Variants in SIGLECL1 observed in about 807,000 individuals in gnomAD.
The protein encoded by SIGLECL1 is SIGLEC family-like protein 1.
In SIGLECL1, 16 loss-of-function variants were observed where a neutral mutation model predicts 19.1. The observed-to-expected ratio is 0.84, with a 90% CI of 0.57 to 1.27. The LOEUF is 1.27. SIGLECL1 is among the 50% of genes most tolerant of loss of function. The probability of loss-of-function intolerance (pLI) is 0.00; values close to 1 mark genes in which losing one functional copy is unlikely to be tolerated. For missense variants in SIGLECL1, 210 were observed against 239.4 expected (o/e 0.88, Z 0.81); for synonymous variants, 89 against 90.4 (o/e 0.98, Z 0.09).
At chr19:51,263,074 T>C (rs1983353264) in intron 1 of SIGLECL1, among the ~76,000 whole-genome samples, 1 of 152,156 alleles carries the variant, frequency 6.6e-6, no homozygotes, top group Non-Finnish European at 1.5e-5. Flanking sequence ...AATTTTTGTA[T>C]TTTTTGTAGA....
chr19:51,263,143 T>G (rs10853828), intron 1 of SIGLECL1, among the ~76,000 whole-genome samples: 83,920 of 152,076 alleles, frequency 0.55, 23,504 homozygotes, highest in Admixed American at 0.63. Context: ...AGTCATGATA[T>G]CCAGTAGGAA....
upstream of SIGLECL1, among the ~76,000 whole-genome samples, chr19:51,250,546 G>C (rs1437801284): frequency 1.3e-5 from 2 of 152,220 alleles, no homozygotes; most frequent in African/African-American, 4.8e-5. Flanking sequence ...ATTCAAGACG[G>C]AGTTGCTCTG....
In SIGLECL1 at chr19:51,267,375, T is replaced by A; in HGVS notation, c.413T>A (p.Val138Glu). The A allele has an allele frequency of 6.2e-7, 1 of 1,611,014 alleles. No individual in the cohort carries two copies. The highest frequency in any genetic ancestry group is 8.5e-7 in the Non-Finnish European group (1 of 1,179,828). The change falls in exon 5 of 6, where the codon GTG (valine) becomes GAG (glutamate). Residue 138 changes from valine (V) to glutamate (E), a missense_variant and splice_region_variant. Physicochemically the swap from Val to Glu is moderately radical, Grantham distance 121. Transcript: ENST00000601727. ...LLFLCLLPLI[V>E]KHIRKKQAKK... is the part of the protein sequence containing the mutation. ...CAATCCAAGGCTTATTTCCTTAGAG[T>A]GAAACATATCAGAAAGAAGCAGGCG... is the stretch of plus-strand genomic sequence containing the variant.
At chr19:51,255,972 G>A (rs1982777075) in intron 1 of SIGLECL1, 1 of 152,164 alleles carries the variant, frequency 6.6e-6, no homozygotes, top group South Asian at 2.1e-4. Context: ...ATCTTGAAGA[G>A]ATATCTGCAC....
upstream of SIGLECL1, among the ~76,000 whole-genome samples, chr19:51,250,246 C>A (rs541952900): frequency 6.6e-6 from 1 of 152,150 alleles, no homozygotes; most frequent in Non-Finnish European, 1.5e-5. Flanking sequence ...GCCACCACGC[C>A]CAGCTAATTT....
chr19:51,265,422 G>A lies in SIGLECL1; in HGVS notation c.77G>A (p.Ser26Asn). Reference sequence around the variant, plus strand: ...TCCTTGGAGAAGACACTGCAGTGCAGCTGTTCCTTCCATGGGATTCCCACA... The same window carrying A: ...TCCTTGGAGAAGACACTGCAGTGCAACTGTTCCTTCCATGGGATTCCCACA... ...SCSLEKTLQC[S>N]CSFHGIPTPS... The change falls in exon 3 of 6, where the codon AGC becomes AAC. Residue 26 changes from serine (S) to asparagine (N), a missense_variant. By Grantham distance (46) the Ser-to-Asn change is conservative. Coordinates refer to ENST00000601727, the MANE Select transcript of SIGLECL1 (RefSeq NM_001385465.1). 6.2e-7 allele frequency: 1 copy of A among 1,614,150 alleles called. No individual in the cohort carries two copies. Among genetic ancestry groups the A allele is most frequent in the Non-Finnish European group, 8.5e-7 (1 of 1,180,040 alleles).
At chr19:51,255,703 C>T (rs1982759914) in intron 1 of SIGLECL1, among the ~76,000 whole-genome samples, 1 of 152,136 alleles carries the variant, frequency 6.6e-6, no homozygotes, top group East Asian at 1.9e-4. Flanking sequence ...CCTGACATCA[C>T]TAATCATCAG....
chr19:51,268,683 C>G lies in SIGLECL1; in HGVS notation c.*86C>G, dbSNP rs1001565545. 7.1e-7 allele frequency: 1 copy of G among 1,404,408 alleles called. No homozygotes were observed. Among genetic ancestry groups the G allele is most frequent in the Non-Finnish European group, 9.8e-7 (1 of 1,015,428 alleles). 87.0% of individuals were successfully genotyped at this position (1,404,408 alleles called of 1,614,324 possible). ...AAAATTTATAGCGCTCACAGAAACC[C>G]TGGAGGCTGTAATAAACCTGGAGCC... On this transcript the variant is annotated 3_prime_UTR_variant, in exon 6 of 6. Coordinates refer to ENST00000601727, the MANE Select transcript of SIGLECL1 (RefSeq NM_001385465.1).
chr19:51,256,137 C>T (rs1174345875), intron 1 of SIGLECL1: 1 of 151,920 alleles, frequency 6.6e-6, no homozygotes, highest in East Asian at 1.9e-4. Flanking sequence ...TTTTGTTCAA[C>T]ATTGTCTAAT....
intron 1 of SIGLECL1, among the ~76,000 whole-genome samples, chr19:51,252,278 C>T (rs1036882925): frequency 1.4e-5 from 2 of 147,166 alleles, no homozygotes; most frequent in African/African-American, 5.1e-5. Context: ...GCCTGGGCAA[C>T]ACAGCGAGAC....
At chr19:51,266,707 T>C (rs1016107426) in intron 4 of SIGLECL1, among the ~76,000 whole-genome samples, 4 of 152,190 alleles carry the variant, frequency 2.6e-5, no homozygotes, top group Non-Finnish European at 5.9e-5. Context: ...TTGGTGTTGG[T>C]TCACAGGGTG....
chr19:51,247,812 T>C (rs958390894), upstream of SIGLECL1, among the ~76,000 whole-genome samples: 16 of 152,228 alleles, frequency 1.1e-4, no homozygotes, highest in Non-Finnish European at 7.3e-5. Context: ...AGATAGCCCC[T>C]AGTGTCTCAA....
intron 2 of SIGLECL1, chr19:51,264,379 C>T (rs1422442946): frequency 2.9e-6 from 1 of 349,764 alleles, no homozygotes; most frequent in Admixed American, 4.8e-5. Flanking sequence ...ACTGGAAGCC[C>T]TGAAGTTAAG....
chr19:51,246,566 A>T (rs1982265640), upstream of SIGLECL1, among the ~76,000 whole-genome samples: 1 of 152,134 alleles, frequency 6.6e-6, no homozygotes. Context: ...CTGTCTCAGC[A>T]CTGATTGAGT....
At chr19:51,253,893 C>T (rs577705502) in intron 1 of SIGLECL1, among the ~76,000 whole-genome samples, 42 of 152,278 alleles carry the variant, frequency 2.8e-4, no homozygotes, top group Non-Finnish European at 5.6e-4. Flanking sequence ...TGAGATGTAC[C>T]TCACAGAGTT....
intron 2 of SIGLECL1, chr19:51,264,496 G>A (rs8111145): frequency 0.024 from 3,729 of 157,336 alleles, 146 homozygotes; most frequent in African/African-American, 0.085. Context: ...CCTCAACAGC[G>A]CCCCGCAAGT....
intron 1 of SIGLECL1, among the ~76,000 whole-genome samples, chr19:51,260,046 A>G (rs1983099282): frequency 6.6e-6 from 1 of 152,242 alleles, no homozygotes; most frequent in African/African-American, 2.4e-5. Context: ...GCAGTGGCCA[A>G]TGGCCTGGCC....
chr19:51,265,594 CTG>C lies in SIGLECL1; in HGVS notation c.252_253del (p.Cys84Ter). 2 of 1,614,164 alleles carry C rather than the reference CTG, an allele frequency of 1.2e-6. No homozygotes were observed. Among genetic ancestry groups the C allele is most frequent in the Non-Finnish European group, 1.7e-6 (2 of 1,180,036 alleles). On this transcript the variant is annotated frameshift_variant, in exon 3 of 6. Transcript: ENST00000601727. LOFTEE classifies it high-confidence loss of function. ...EEPEMGMRLL[C>X]EGKNQNGTHA... The stretch of plus-strand genomic sequence containing the variant: ...AGCCAGAAATGGGCATGAGACTTCT[CTG>C]TGAGGGGAAGAACCAAAACGGAACC...
chr19:51,265,132 G>A (rs1983543275), intron 2 of SIGLECL1, among the ~76,000 whole-genome samples: 1 of 152,152 alleles, frequency 6.6e-6, no homozygotes, highest in African/African-American at 2.4e-5. Flanking sequence ...CACAGACAAT[G>A]TAGAGCCTCA....
Sources: gnomAD v4.1 joint callset for allele counts (sites outside exome capture counted in the v4.1 genomes callset) on GRCh38, gnomAD v4.1.1 for gene constraint, MANE v1.5 for transcripts, NCBI Gene and HGNC (gene_info 2026-07-23, HGNC 2026-07-21) for gene names.